Variants in CTNNA3 observed in about 807,000 individuals in gnomAD.
The protein encoded by CTNNA3 is catenin alpha-3.
Under a neutral mutation model 95.7 loss-of-function variants are expected in CTNNA3, and 76 were observed. That is an observed-to-expected ratio of 0.79 (90% CI 0.66 to 0.96). CTNNA3 has a LOEUF of 0.96. Among genes scored for constraint, CTNNA3 ranks in the 40% least tolerant of loss-of-function variants. The pLI is 0.00. For missense variants in CTNNA3, 1,191 were observed against 1,089.8 expected (o/e 1.09, Z -1.31); for synonymous variants, 431 against 374.4 (o/e 1.15, Z -1.74).
chr10:67,654,233 A>G (rs1839958028), intron 1 of CTNNA3, among the ~76,000 whole-genome samples: 1 of 152,170 alleles, frequency 6.6e-6, no homozygotes, highest in Non-Finnish European at 1.5e-5. Context: ...TATATTTCTC[A>G]AAGTAGAAAG....
intron 9 of CTNNA3, among the ~76,000 whole-genome samples, chr10:66,694,728 T>C (rs1240343610): frequency 6.6e-6 from 1 of 152,114 alleles, no homozygotes; most frequent in Non-Finnish European, 1.5e-5. Flanking sequence ...AACAATAGCA[T>C]ACCATAATCT....
At chr10:67,091,193 G>A (rs1857610081) in intron 7 of CTNNA3, among the ~76,000 whole-genome samples, 1 of 151,920 alleles carries the variant, frequency 6.6e-6, no homozygotes, top group Non-Finnish European at 1.5e-5. Context: ...AAAACCCAAA[G>A]CTAGTTATGA....
At chr10:67,544,208 A>C (rs140909248) in intron 3 of CTNNA3, among the ~76,000 whole-genome samples, 237 of 152,302 alleles carry the variant, frequency 1.6e-3, no homozygotes, top group East Asian at 6.8e-3. Context: ...ATTAAAAGTT[A>C]TAATTTGCTT....
rs185554191 is a variant in CTNNA3 at position 66,716,456 on chromosome 10, T to A, written c.1281+49808A>T. On this transcript the variant is annotated intron_variant, in intron 9 of 17. Coordinates refer to ENST00000433211, the MANE Select transcript of CTNNA3 (RefSeq NM_013266.4). ...TGACAGCAGTTCAAACTGCAAATGT[T>A]CATGGCATTTGAGCTTTGTTATCTT... Among the ~76,000 whole-genome samples the A allele has an allele frequency of 9.8e-5, 15 of 152,312 alleles. No homozygotes were observed. The East Asian group carries it at 2.7e-3, about 27-fold the overall frequency.
At chr10:67,141,238 C>T (rs1277433012) in intron 7 of CTNNA3, among the ~76,000 whole-genome samples, 1 of 152,110 alleles carries the variant, frequency 6.6e-6, no homozygotes, top group Non-Finnish European at 1.5e-5. Context: ...TTTAAATGTA[C>T]ACCATGTAAC....
chr10:66,139,890 C>T (rs982360134), intron 13 of CTNNA3, among the ~76,000 whole-genome samples: 7 of 152,120 alleles, frequency 4.6e-5, no homozygotes, highest in East Asian at 1.9e-4. Context: ...TGCCTTCGTC[C>T]GGTTCTCCCT....
At chr10:67,761,695 A>G (rs961225764) in intron 1 of CTNNA3, among the ~76,000 whole-genome samples, 6 of 151,990 alleles carry the variant, frequency 3.9e-5, no homozygotes, top group Non-Finnish European at 7.4e-5. Flanking sequence ...TGGCTAACAC[A>G]GTGAAACCCC....
chr10:67,045,371 C>T (rs1854662595), intron 7 of CTNNA3, among the ~76,000 whole-genome samples: 1 of 152,050 alleles, frequency 6.6e-6, no homozygotes, highest in Non-Finnish European at 1.5e-5. Flanking sequence ...CACCAAATAC[C>T]TCCATTTTTT....
At chr10:66,085,187 A>G (rs1170715305) in intron 14 of CTNNA3, 1 of 152,166 alleles carries the variant, frequency 6.6e-6, no homozygotes, top group African/African-American at 2.4e-5. Context: ...GAATGAAATA[A>G]TATATTCATT....
chr10:66,423,952 T>G (rs1431841293), intron 11 of CTNNA3, among the ~76,000 whole-genome samples: 1 of 152,228 alleles, frequency 6.6e-6, no homozygotes, highest in Non-Finnish European at 1.5e-5. Flanking sequence ...TTAATGTTGT[T>G]ATTACTACTA....
chr10:67,009,462 C>T (rs951351795), intron 7 of CTNNA3, among the ~76,000 whole-genome samples: 2 of 151,886 alleles, frequency 1.3e-5, no homozygotes, highest in Non-Finnish European at 2.9e-5. Context: ...ATATACATAA[C>T]CTCTTTCATC....
chr10:67,109,868 T>C (rs139404805), intron 7 of CTNNA3, among the ~76,000 whole-genome samples: 65 of 152,130 alleles, frequency 4.3e-4, no homozygotes, highest in African/African-American at 1.6e-3. Flanking sequence ...AGAAAATGAA[T>C]ATATTTTAAT....
chr10:66,064,255 G>A lies in CTNNA3; in HGVS notation c.2159+5053C>T, dbSNP rs10996872. On this transcript the variant is annotated intron_variant, in intron 15 of 17. Transcript: ENST00000433211. ...CGTGAACAGCATGGGGGAAACTGAC[G>A]CCATGATTCAATTGCCTTCACCTGG... Among the ~76,000 whole-genome samples the A allele has an allele frequency of 2.6e-5, 4 of 151,838 alleles. No homozygotes were observed. In the South Asian group the frequency reaches 8.3e-4, roughly 32 times the overall value.
intron 12 of CTNNA3, among the ~76,000 whole-genome samples, chr10:66,364,231 C>T (rs999525187): frequency 8.6e-5 from 13 of 151,004 alleles, no homozygotes; most frequent in Non-Finnish European, 1.8e-4. Context: ...GCAAAAACAA[C>T]AATAAAATCA....
At chr10:66,263,212 C>T (rs1292870733) in intron 13 of CTNNA3, among the ~76,000 whole-genome samples, 1 of 151,782 alleles carries the variant, frequency 6.6e-6, no homozygotes, top group Non-Finnish European at 1.5e-5. Context: ...CATATTGGAA[C>T]AAAGCAAGTC....
intron 7 of CTNNA3, among the ~76,000 whole-genome samples, chr10:67,032,582 T>C (rs537622703): frequency 1.3e-5 from 2 of 152,196 alleles, no homozygotes; most frequent in Non-Finnish European, 2.9e-5. Flanking sequence ...TGCCAGGTAT[T>C]AAGCATCAGA....
chr10:67,705,495 G>A (rs1341357304), intron 1 of CTNNA3, among the ~76,000 whole-genome samples: 4 of 149,682 alleles, frequency 2.7e-5, no homozygotes, highest in Non-Finnish European at 5.9e-5. Context: ...GGATGAAATT[G>A]GAAATCATCA....
At chr10:67,182,584 C>T (rs1232480651) in intron 6 of CTNNA3, among the ~76,000 whole-genome samples, 1 of 151,874 alleles carries the variant, frequency 6.6e-6, no homozygotes, top group Admixed American at 6.6e-5. Context: ...CCATAAAAAC[C>T]CTAGAAGAAA....
intron 1 of CTNNA3, among the ~76,000 whole-genome samples, chr10:67,761,703 C>T (rs2131759564): frequency 6.6e-6 from 1 of 152,052 alleles, no homozygotes; most frequent in Middle Eastern, 3.4e-3. Flanking sequence ...ACAGTGAAAC[C>T]CCATCTCTAC....
Sources: gnomAD v4.1 joint callset for allele counts (sites outside exome capture counted in the v4.1 genomes callset) on GRCh38, gnomAD v4.1.1 for gene constraint, MANE v1.5 for transcripts, NCBI Gene and HGNC (gene_info 2026-07-23, HGNC 2026-07-21) for gene names.